The following LRRC4C variants were observed in gnomAD, a reference collection of about 807,000 sequenced individuals.
LRRC4C encodes the protein leucine rich repeat containing 4C.
Under a neutral mutation model 33.6 loss-of-function variants are expected in LRRC4C, and 5 were observed. The observed-to-expected ratio is 0.15, with a 90% CI of 0.08 to 0.31. The LOEUF (loss-of-function observed/expected upper bound fraction) is 0.31. Among genes scored for constraint, LRRC4C ranks in the 10% least tolerant of loss-of-function variants. The pLI, the probability that LRRC4C is intolerant of heterozygous loss-of-function variation, is 1.00. For missense variants in LRRC4C, 560 were observed against 796.7 expected, an observed-to-expected ratio of 0.70 and a Z score of 3.58; for synonymous variants, 329 against 302.0, an observed-to-expected ratio of 1.09 and a Z score of -0.93.
intron 1 of LRRC4C, among the ~76,000 whole-genome samples, chr11:41,209,883 T>TAA (rs921140439): frequency 2.6e-5 from 4 of 151,658 alleles, no homozygotes; most frequent in African/African-American, 7.3e-5. Flanking sequence ...TAAAAGGGGG[T>TAA]AATTAAGGTT....
intron 2 of LRRC4C, among the ~76,000 whole-genome samples, chr11:40,862,344 T>A (rs1269467667): frequency 2.0e-5 from 3 of 152,184 alleles, no homozygotes; most frequent in South Asian, 2.1e-4. Context: ...TATTTAAATT[T>A]AAAAAAATTG....
intron 1 of LRRC4C, among the ~76,000 whole-genome samples, chr11:41,088,926 C>T (rs932594065): frequency 1.3e-5 from 2 of 151,938 alleles, no homozygotes; most frequent in African/African-American, 4.8e-5. Context: ...ATAACCGAAA[C>T]ATAGAAAACT....
intron 1 of LRRC4C, among the ~76,000 whole-genome samples, chr11:41,200,611 C>T (rs1159170905): frequency 2.0e-5 from 3 of 151,956 alleles, no homozygotes; most frequent in Non-Finnish European, 4.4e-5. Context: ...GAGTAAGTAG[C>T]TATGTGAAAA....
intron 1 of LRRC4C, among the ~76,000 whole-genome samples, chr11:41,252,302 A>C (rs115540938): frequency 0.019 from 2,876 of 152,270 alleles, 92 homozygotes; most frequent in African/African-American, 0.066. Flanking sequence ...AATAGAAACT[A>C]GGAGAGTGTA....
chr11:40,436,826 A>G (rs928808340), intron 3 of LRRC4C, among the ~76,000 whole-genome samples: 1 of 152,148 alleles, frequency 6.6e-6, no homozygotes, highest in Non-Finnish European at 1.5e-5. Flanking sequence ...GACTTCAACT[A>G]CAGCTGGAGT....
At chr11:40,527,235 G>C (rs1956089041) in intron 3 of LRRC4C, among the ~76,000 whole-genome samples, 1 of 152,056 alleles carries the variant, frequency 6.6e-6, no homozygotes, top group African/African-American at 2.4e-5. Flanking sequence ...AATTCATCAA[G>C]CTATTCACCT....
intron 4 of LRRC4C, among the ~76,000 whole-genome samples, chr11:40,272,197 T>C (rs1192592423): frequency 6.6e-6 from 1 of 152,142 alleles, no homozygotes; most frequent in Non-Finnish European, 1.5e-5. Flanking sequence ...AGAAAATAGC[T>C]ATTTGGTGGA....
At chr11:40,355,953 T>TGTATAGTATTGTATA (rs1947641705) in intron 3 of LRRC4C, among the ~76,000 whole-genome samples, 2 of 121,488 alleles carry the variant, frequency 1.6e-5, no homozygotes, top group East Asian at 4.7e-4. Flanking sequence ...AGTATAGTAT[T>TGTATAGTATTGTATA]GTATAGTATA....
intron 2 of LRRC4C, among the ~76,000 whole-genome samples, chr11:40,889,466 G>A (rs1300466589): frequency 1.3e-5 from 2 of 151,798 alleles, no homozygotes; most frequent in African/African-American, 4.8e-5. Flanking sequence ...TGTATATTTT[G>A]TATACCATTA....
At chr11:40,430,265 G>C (rs181725830) in intron 3 of LRRC4C, among the ~76,000 whole-genome samples, 2 of 145,218 alleles carry the variant, frequency 1.4e-5, no homozygotes, top group African/African-American at 2.6e-5. Context: ...GCACGTATGG[G>C]GGGGGTTGCT....
intron 2 of LRRC4C, among the ~76,000 whole-genome samples, chr11:40,719,549 T>G (rs552849436): frequency 6.6e-6 from 1 of 152,306 alleles, no homozygotes; most frequent in South Asian, 2.1e-4. Flanking sequence ...TGAATATTAC[T>G]GAGGAAAGCA....
At chr11:41,012,919 A>T (rs898117557) in intron 1 of LRRC4C, among the ~76,000 whole-genome samples, 1 of 152,144 alleles carries the variant, frequency 6.6e-6, no homozygotes, top group Non-Finnish European at 1.5e-5. Flanking sequence ...CCTTTTGCCC[A>T]TTTTAAAATC....
At chr11:41,030,994 A>T (rs1471192870) in intron 1 of LRRC4C, among the ~76,000 whole-genome samples, 2 of 151,764 alleles carry the variant, frequency 1.3e-5, no homozygotes, top group Non-Finnish European at 2.9e-5. Flanking sequence ...TCTCACTTTA[A>T]TTAGGCTTGC....
chr11:40,782,665 T>C (rs561415834), intron 2 of LRRC4C, among the ~76,000 whole-genome samples: 1 of 152,218 alleles, frequency 6.6e-6, no homozygotes, highest in Non-Finnish European at 1.5e-5. Context: ...TTGCTTTTGT[T>C]ACTTATGGTT....
chr11:40,511,062 A>G (rs960808373), intron 3 of LRRC4C, among the ~76,000 whole-genome samples: 1 of 152,194 alleles, frequency 6.6e-6, no homozygotes, highest in African/African-American at 2.4e-5. Flanking sequence ...CCTTATTGTA[A>G]GGTGTGCCTC....
chr11:40,246,954 C>A (rs1007452512), intron 4 of LRRC4C, among the ~76,000 whole-genome samples: 1 of 152,214 alleles, frequency 6.6e-6, no homozygotes, highest in Non-Finnish European at 1.5e-5. Context: ...AGAAATAATA[C>A]CAACTGCTCA....
intron 1 of LRRC4C, among the ~76,000 whole-genome samples, chr11:41,173,359 T>G (rs1945059223): frequency 6.6e-6 from 1 of 152,284 alleles, no homozygotes. Flanking sequence ...GGGGATCAAC[T>G]TAAGTTTAAA....
chr11:41,397,598 G>A (rs1329753133), intron 1 of LRRC4C, among the ~76,000 whole-genome samples: 1 of 151,212 alleles, frequency 6.6e-6, no homozygotes, highest in Non-Finnish European at 1.5e-5. Context: ...AAAGTTATAT[G>A]TGGATTTTCA....
chr11:41,197,950 G>A (rs183782739), intron 1 of LRRC4C, among the ~76,000 whole-genome samples: 49 of 151,868 alleles, frequency 3.2e-4, no homozygotes, highest in Non-Finnish European at 6.2e-4. Context: ...CCTCGTCACT[G>A]CCATCACCCC....
Sources: gnomAD v4.1 joint callset for allele counts (sites outside exome capture counted in the v4.1 genomes callset) on GRCh38, gnomAD v4.1.1 for gene constraint, MANE v1.5 for transcripts, NCBI Gene and HGNC (gene_info 2026-07-23, HGNC 2026-07-21) for gene names.